The following SAMD5 variants were observed in gnomAD, a reference collection of about 807,000 sequenced individuals.
SAMD5 encodes the protein sterile alpha motif domain containing 5, also known as sterile alpha motif domain-containing protein 5.
Under a neutral mutation model 11.3 loss-of-function variants are expected in SAMD5, and 13 were observed. The observed-to-expected ratio is 1.15, with a 90% confidence interval of 0.75 to 1.83. SAMD5 has a LOEUF of 1.83. Among genes scored for constraint, SAMD5 ranks in the 40% most tolerant of loss-of-function variants. The pLI is 0.00. For synonymous variants in SAMD5, 129 were observed against 111.3 expected, an observed-to-expected ratio of 1.16 and a Z score of -1.00; for missense variants, 255 against 239.1, an observed-to-expected ratio of 1.07 and a Z score of -0.44.
the SAMD5 span, among the ~76,000 whole-genome samples, chr6:147,745,680 A>C: frequency 6.6e-6 from 1 of 151,720 alleles, no homozygotes; most frequent in African/African-American, 2.4e-5. Flanking sequence ...TGTTAATTAC[A>C]CCCATCTTGT....
chr6:147,697,606 A>G (rs1162791387), intron 1 of SAMD5, among the ~76,000 whole-genome samples: 1 of 152,202 alleles, frequency 6.6e-6, no homozygotes, highest in Non-Finnish European at 1.5e-5. Flanking sequence ...CAGCTTAACA[A>G]TAAAAAAATC....
chr6:147,812,645 G>A, the SAMD5 span, among the ~76,000 whole-genome samples: 5 of 152,128 alleles, frequency 3.3e-5, no homozygotes, highest in African/African-American at 1.2e-4. Context: ...CAGCCTGTGA[G>A]GTTGCAGCTC....
chr6:147,765,648 G>C, the SAMD5 span, among the ~76,000 whole-genome samples: 1 of 152,326 alleles, frequency 6.6e-6, no homozygotes, highest in African/African-American at 2.4e-5. Context: ...AAATTAGTCA[G>C]CATGTTCCTT....
chr6:147,624,292 A>G (rs923891578), intron 1 of SAMD5, among the ~76,000 whole-genome samples: 1 of 152,160 alleles, frequency 6.6e-6, no homozygotes, highest in African/African-American at 2.4e-5. Context: ...TGATTAGGGC[A>G]TGCTCGCTTC....
intron 1 of SAMD5, among the ~76,000 whole-genome samples, chr6:147,591,069 G>A (rs895190297): frequency 1.6e-4 from 24 of 151,868 alleles, no homozygotes; most frequent in South Asian, 6.2e-4. Flanking sequence ...GTAAAACCAC[G>A]GAGACAATAG....
At chr6:147,764,859 G>A in the SAMD5 span, among the ~76,000 whole-genome samples, 1 of 152,006 alleles carries the variant, frequency 6.6e-6, no homozygotes, top group South Asian at 2.1e-4. Flanking sequence ...TAAATTATTA[G>A]CTGATGGCCT....
At chr6:147,731,127 A>G (rs1791706978) in intron 1 of SAMD5, among the ~76,000 whole-genome samples, 1 of 152,226 alleles carries the variant, frequency 6.6e-6, no homozygotes, top group Non-Finnish European at 1.5e-5. Context: ...CTGAGACACA[A>G]GAAAGGACAA....
At chr6:147,833,622 C>A in the SAMD5 span, among the ~76,000 whole-genome samples, 2 of 152,086 alleles carry the variant, frequency 1.3e-5, no homozygotes, top group African/African-American at 4.8e-5. Context: ...GTTGTGGTTC[C>A]AGTGCAGAGT....
chr6:147,902,158 C>T, the SAMD5 span, among the ~76,000 whole-genome samples: 1 of 152,046 alleles, frequency 6.6e-6, no homozygotes, highest in Non-Finnish European at 1.5e-5. Context: ...AGCAATCATT[C>T]CTGGTCCAAA....
At chr6:147,623,603 A>G (rs1322418312) in intron 1 of SAMD5, among the ~76,000 whole-genome samples, 3 of 152,222 alleles carry the variant, frequency 2.0e-5, no homozygotes, top group African/African-American at 4.8e-5. Flanking sequence ...AGGAAATAAT[A>G]TAACCCAGCA....
intron 1 of SAMD5, among the ~76,000 whole-genome samples, chr6:147,717,112 C>A (rs1583151341): frequency 6.6e-6 from 1 of 152,218 alleles, no homozygotes; most frequent in Admixed American, 6.5e-5. Flanking sequence ...CATGATCCAC[C>A]TTGCTAAATG....
chr6:147,677,658 A>G (rs1330930681), intron 1 of SAMD5, among the ~76,000 whole-genome samples: 2 of 152,108 alleles, frequency 1.3e-5, no homozygotes, highest in African/African-American at 4.8e-5. Context: ...CAAGCTCACC[A>G]CTATGGAGGA....
At chr6:147,609,469 C>A (rs1415284346) in intron 1 of SAMD5, among the ~76,000 whole-genome samples, 1 of 152,176 alleles carries the variant, frequency 6.6e-6, no homozygotes, top group African/African-American at 2.4e-5. Flanking sequence ...GTTATGGCAG[C>A]CCCAGAAAAC....
the SAMD5 span, among the ~76,000 whole-genome samples, chr6:147,857,681 TTTC>T: frequency 2.7e-5 from 4 of 149,384 alleles, no homozygotes; most frequent in Non-Finnish European, 4.4e-5. Flanking sequence ...CTTAGAATTT[TTTC>T]TTCTTTTTTT....
the SAMD5 span, among the ~76,000 whole-genome samples, chr6:147,744,438 G>A: frequency 6.6e-6 from 1 of 152,162 alleles, no homozygotes; most frequent in Non-Finnish European, 1.5e-5. Flanking sequence ...TTACTCTTGA[G>A]CTAAAGAAAG....
chr6:147,820,949 GTA>G, the SAMD5 span, among the ~76,000 whole-genome samples: 1 of 152,178 alleles, frequency 6.6e-6, no homozygotes, highest in Non-Finnish European at 1.5e-5. Context: ...AACTAAAAAA[GTA>G]TCTCATTTGG....
the SAMD5 span, among the ~76,000 whole-genome samples, chr6:147,812,365 G>A: frequency 0.015 from 2,305 of 152,068 alleles, 65 homozygotes; most frequent in African/African-American, 0.052. Context: ...GAGTGTGCTT[G>A]TGTGTGGGTG....
chr6:147,571,848 G>T (rs1209371362), downstream of SAMD5, among the ~76,000 whole-genome samples: 1 of 152,158 alleles, frequency 6.6e-6, no homozygotes, highest in Non-Finnish European at 1.5e-5. Flanking sequence ...TGGTTTTCCT[G>T]GTGAGCAGAG....
chr6:147,944,503 C>T, the SAMD5 span, among the ~76,000 whole-genome samples: 441 of 152,290 alleles, frequency 2.9e-3, 3 homozygotes, highest in African/African-American at 9.8e-3. Context: ...TACCTCCCAC[C>T]GGTTTCCTCC....
Sources: allele counts gnomAD v4.1 joint callset (sites outside exome capture counted in the v4.1 genomes callset), GRCh38; gene constraint gnomAD v4.1.1; transcripts MANE v1.5; gene names NCBI Gene and HGNC (gene_info 2026-07-23, HGNC 2026-07-21).